Variants in MUC6 observed in about 807,000 individuals in gnomAD.
MUC6 encodes mucin-6.
MUC6 carries 188 observed loss-of-function variants against 201.5 expected under a neutral mutation model. The ratio of observed to expected loss-of-function variants is 0.93; its 90% confidence interval spans 0.83 to 1.05. The LOEUF is 1.05. Ranked by LOEUF, MUC6 falls within the 50% of genes least tolerant of loss-of-function variation. The pLI is 0.00. For missense variants in MUC6, 2,706 were observed against 3,256.9 expected, an observed-to-expected ratio of 0.83 and a Z score of 4.12; for synonymous variants, 1,228 against 1,389.4, an observed-to-expected ratio of 0.88 and a Z score of 2.58.
Position 1,027,139 on chromosome 11 carries a change from AC to A in MUC6, c.2284+1del, listed in dbSNP as rs1359569513. 11 of 1,612,248 alleles carry A rather than the reference AC, an allele frequency of 6.8e-6. 1 individual carries two copies. Among genetic ancestry groups the A allele is most frequent in the African/African-American group, 1.3e-5 (1 of 74,866 alleles). ...GCCTGCGGCCAGCGCTGCTGTACGT[AC>A]CCAGGAACATCTGTGGCCGCTGCGG... On this transcript the variant is annotated splice_donor_variant, in intron 18 of 32. Transcript: ENST00000421673. LOFTEE classifies it high-confidence loss of function.
chr11:1,033,253 T>C lies in MUC6; in HGVS notation c.53-178A>G, dbSNP rs953689769. The C allele has an allele frequency of 4.4e-5, 27 of 612,124 alleles. No individual in the cohort carries two copies. Among genetic ancestry groups the C allele is most frequent in the Non-Finnish European group, 6.8e-5 (23 of 337,652 alleles). 37.9% of individuals were successfully genotyped at this position (612,124 alleles called of 1,614,324 possible). On this transcript the variant is annotated intron_variant, in intron 1 of 32. Coordinates refer to ENST00000421673, the MANE Select transcript of MUC6 (RefSeq NM_005961.3). This position sits in a 1 kb window ranked among gnomAD's most constrained non-coding sequence, Gnocchi z 5.6. ...AAGCCAAGCGCTTGGCCTCCCATGC[T>C]GTCCTTCACGAGCCCCAGCTTCCTT...
In MUC6 at chr11:1,031,974, C is replaced by T. The variant is rs1857117876; in HGVS notation, c.195G>A (p.Gly65=). The T allele has an allele frequency of 5.6e-6, 9 of 1,613,528 alleles. No homozygotes were observed. The highest frequency in any genetic ancestry group is 1.7e-5 in the Admixed American group (1 of 60,006). The change falls in exon 3 of 33, where the codon GGG becomes GGA. Residue 65 remains glycine, a synonymous_variant. Coordinates refer to ENST00000421673, the MANE Select transcript of MUC6 (RefSeq NM_005961.3). ...TFDHHVYDFS[G]TCNYIFAATC... is the part of the protein sequence containing the mutation. ...TGGCCGCGAAGATGTAGTTGCACGTCCCCGAGAAGTCGTACACGTGGTGGT... is the reference window on the plus strand; with the variant it reads ...TGGCCGCGAAGATGTAGTTGCACGTTCCCGAGAAGTCGTACACGTGGTGGT...
rs1799800211 is a variant in MUC6 at position 1,035,844 on chromosome 11, C to A, written c.52+760G>T. ...AGGAGGAGCACGGAACACAGAGGCC[C>A]TTGGGCTGGTGCCTTGGTCGGCAAG... is the stretch of plus-strand genomic sequence containing the variant. On this transcript the variant is annotated intron_variant, in intron 1 of 32. Coordinates refer to ENST00000421673, the MANE Select transcript of MUC6 (RefSeq NM_005961.3). 2.6e-5 allele frequency among the ~76,000 whole-genome samples: 4 copies of A among 152,118 alleles called. No individual in the cohort carries two copies. In the South Asian group the frequency reaches 8.3e-4, roughly 31 times the overall value.
chr11:1,026,059 T>A lies in MUC6; in HGVS notation c.2629A>T (p.Ile877Phe). The A allele has an allele frequency of 6.3e-7, 1 of 1,595,274 alleles. No individual in the cohort carries two copies. Among genetic ancestry groups the A allele is most frequent in the Non-Finnish European group, 8.5e-7 (1 of 1,171,374 alleles). The change falls in exon 21 of 33, where the codon ATC (isoleucine) becomes TTC (phenylalanine). Residue 877 changes from isoleucine to phenylalanine, a missense_variant. Around this residue, in one of 10 missense-constraint regions of MUC6, gnomAD observed 1,850 missense variants for 1,958.3 expected, o/e 0.94. Transcript: ENST00000421673. ...TCTLYGEGHV[I>F]TFDGQRFVFD... ...ACGAAGCGCTGGCCGTCGAAGGTGA[T>A]GACGTGGCCCTCCCCGTAGAGGGTG...
chr11:1,014,949 C>G (rs575166761), intron 31 of MUC6, among the ~76,000 whole-genome samples: 1 of 152,364 alleles, frequency 6.6e-6, no homozygotes, highest in Non-Finnish European at 1.5e-5. Context: ...GGGACCCGAA[C>G]CAAGATTCCC....
In MUC6 at chr11:1,016,547, GA is replaced by G; in HGVS notation, c.6253del (p.Ser2085LeufsTer30). Reference protein sequence around the residue: ...HSSFSTATASSSFISSSSWLP... With the variant: ...HSSFSTATASXSFISSSSWLP... ...CCAAGACGAGGAGGATATGAAGGAA[GA>G]AGAGGCTGTAGCTGTGCTGAATGAG... On this transcript the variant is annotated frameshift_variant, in exon 31 of 33. Transcript: ENST00000421673. LOFTEE classifies it high-confidence loss of function. The G allele has an allele frequency of 6.2e-7, 1 of 1,613,388 alleles. No homozygotes were observed. Among genetic ancestry groups the G allele is most frequent in the Non-Finnish European group, 8.5e-7 (1 of 1,179,408 alleles).
intron 24 of MUC6, among the ~76,000 whole-genome samples, chr11:1,024,495 C>T (rs1856903273): frequency 6.6e-6 from 1 of 152,222 alleles, no homozygotes. Flanking sequence ...GGATCACGCC[C>T]TGGGCTGGGA....
chr11:1,036,311 C>A (rs1857215337), intron 1 of MUC6, among the ~76,000 whole-genome samples: 1 of 152,166 alleles, frequency 6.6e-6, no homozygotes, highest in South Asian at 2.1e-4. Context: ...GAGTGCCGGA[C>A]CCCACTCCAG....
chr11:1,031,522 C>G, intron 4 of MUC6, 85 bp downstream of exon 4: 1 of 1,512,458 alleles, frequency 6.6e-7, no homozygotes, highest in South Asian at 1.3e-5. Flanking sequence ...TGGCTGGGAC[C>G]CCCAAGGAGG....
chr11:1,016,099 A>G lies in MUC6; in HGVS notation c.6702T>C (p.Ser2234=). 1.2e-6 allele frequency: 2 copies of G among 1,612,896 alleles called. No homozygotes were observed. The highest frequency in any genetic ancestry group is 1.7e-6 in the Non-Finnish European group (2 of 1,179,332). Residue 2234 remains serine, a synonymous_variant, in exon 31 of 33, where the codon TCT becomes TCC. Transcript: ENST00000421673. The stretch of plus-strand genomic sequence containing the variant: ...AGGCTAGGTGGCTGGATGGGGTGGG[A>G]GACACGGTAACAGTGGATATGGGGA... The part of the protein sequence containing the change: ...ALLPISTVTV[S]PTPSSHLASS...
intron 25 of MUC6, 25 bp from the exon 26 acceptor site, chr11:1,023,677 GGTGGGGT>G (rs770249060): frequency 2.8e-5 from 45 of 1,610,048 alleles, no homozygotes; most frequent in Middle Eastern, 2.1e-4. Flanking sequence ...GCTGTCAGCT[GGTGGGGT>G]TCCTGGCCCT....
chr11:1,015,731 C>T, intron 31 of MUC6, 31 bp downstream of exon 31: 1 of 1,518,142 alleles, frequency 6.6e-7, no homozygotes, highest in Non-Finnish European at 8.8e-7. Context: ...AGAGGTGAGG[C>T]CAGGAGAAGG....
At position 1,030,560 on chromosome 11, in the gene MUC6, TC is replaced by T; in HGVS notation, c.892+12del. On this transcript the variant is annotated intron_variant, in intron 7 of 32. Coordinates refer to ENST00000421673, the MANE Select transcript of MUC6 (RefSeq NM_005961.3). ...GGCCTTCCTGCCCCTCCCTCTCCCT[TC>T]CCTGGACTCACAGCACAGGCCGGGG... is the stretch of plus-strand genomic sequence containing the variant. 1 of 1,488,596 alleles carries T rather than the reference TC, an allele frequency of 6.7e-7. No individual in the cohort carries two copies. The allele number at this position is 1,488,596 out of a possible 1,614,324, so 92.2% of individuals were successfully genotyped here. A position where few individuals can be genotyped will look rare whatever the true frequency, so the allele number is the denominator to read the frequency against.
Position 1,033,830 on chromosome 11 carries a change from G to A in MUC6, c.53-755C>T, listed in dbSNP as rs1214656532. Among the ~76,000 whole-genome samples the A allele has an allele frequency of 6.6e-6, 1 of 151,578 alleles. No individual in the cohort carries two copies. Among genetic ancestry groups the A allele is most frequent in the Non-Finnish European group, 1.5e-5 (1 of 67,890 alleles). On this transcript the variant is annotated intron_variant, in intron 1 of 32. Coordinates refer to ENST00000421673, the MANE Select transcript of MUC6 (RefSeq NM_005961.3). This position sits in a 1 kb window ranked among gnomAD's most constrained non-coding sequence, Gnocchi z 5.6. The stretch of plus-strand genomic sequence containing the variant: ...CTATGACCCTTCCTGTGGCTCCCAC[G>A]AGCCCCCGATGTCTGAGTGGTGGTG...
chr11:1,034,709 TG>T (rs1430942710), intron 1 of MUC6, among the ~76,000 whole-genome samples: 3 of 152,264 alleles, frequency 2.0e-5, no homozygotes, highest in East Asian at 1.9e-4. Context: ...ACCTTTCCGA[TG>T]GGGGGTGGCA....
Position 1,021,160 on chromosome 11 carries a change from G to A in MUC6, c.3589+55C>T, listed in dbSNP as rs571504509. Reference sequence around the variant, plus strand: ...CCTTGTTTGTGGGATGTGGACGTGCGTTCTGCCTGCATGCAGGCAGGGGCA... The same window carrying A: ...CCTTGTTTGTGGGATGTGGACGTGCATTCTGCCTGCATGCAGGCAGGGGCA... On this transcript the variant is annotated intron_variant, in intron 27 of 32. Transcript: ENST00000421673. 7.2e-5 allele frequency: 106 copies of A among 1,466,722 alleles called. 2 individuals are homozygous for A. In the South Asian group the frequency reaches 1.2e-3, roughly 16 times the overall value. 90.9% of individuals were successfully genotyped at this position (1,466,722 alleles called of 1,614,324 possible).
chr11:1,026,051 G>T lies in MUC6; in HGVS notation c.2637C>A (p.Phe879Leu). 6.3e-7 allele frequency: 1 copy of T among 1,593,488 alleles called. No individual in the cohort carries two copies. The highest frequency in any genetic ancestry group is 8.5e-7 in the Non-Finnish European group (1 of 1,170,442). The change falls in exon 21 of 33, where the codon TTC (phenylalanine) becomes TTA (leucine). Residue 879 changes from phenylalanine (F) to leucine (L), a missense_variant. Physicochemically the swap from Phe to Leu is conservative, Grantham distance 22 (BLOSUM62 0). Transcript: ENST00000421673. ...TLYGEGHVIT[F>L]DGQRFVFDGN... is the part of the protein sequence containing the mutation. ...CGTCGAATACGAAGCGCTGGCCGTC[G>T]AAGGTGATGACGTGGCCCTCCCCGT...
intron 2 of MUC6, among the ~76,000 whole-genome samples, chr11:1,032,258 A>G (rs1038482373): frequency 2.6e-5 from 4 of 152,156 alleles, no homozygotes; most frequent in African/African-American, 9.7e-5. Flanking sequence ...ATGTGCACAC[A>G]CGTGTGTGTG....
chr11:1,027,486 G>A lies in MUC6; in HGVS notation c.2013C>T (p.Ser671=). 1 of 1,612,608 alleles carries A rather than the reference G, an allele frequency of 6.2e-7. No individual in the cohort carries two copies. Among genetic ancestry groups the A allele is most frequent in the Non-Finnish European group, 8.5e-7 (1 of 1,179,816 alleles). Residue 671 remains serine (S), a synonymous_variant, in exon 17 of 33, where the codon AGC becomes AGT. Coordinates refer to ENST00000421673, the MANE Select transcript of MUC6 (RefSeq NM_005961.3). ...TIPCTGNTTF[S]YNSQACERTC... is the part of the protein sequence containing the mutation. The stretch of plus-strand genomic sequence containing the variant: ...TGCGCTCACAGGCTTGGCTGTTGTA[G>A]CTGAAGGTGGTGTTACCCGTGCAGG...
Sources: allele counts gnomAD v4.1 joint callset (sites outside exome capture counted in the v4.1 genomes callset), GRCh38; gene constraint gnomAD v4.1.1; regional missense constraint gnomAD v4.1.1; non-coding constraint Gnocchi (gnomAD v3.1); transcripts MANE v1.5; gene names NCBI Gene and HGNC (gene_info 2026-07-23, HGNC 2026-07-21).